SYK: variants seen among roughly 807,000 people sequenced by gnomAD.
SYK encodes tyrosine-protein kinase SYK.
A neutral mutation model predicts 77.8 loss-of-function variants in SYK; 16 were observed. The observed-to-expected ratio is 0.21, with a 90% confidence interval of 0.14 to 0.31. The LOEUF (loss-of-function observed/expected upper bound fraction) is 0.31, where lower values mean the gene tolerates loss of function less well. Ranked by LOEUF, SYK falls within the 10% of genes least tolerant of loss-of-function variation. The probability of loss-of-function intolerance (pLI) is 1.00; values close to 1 mark genes in which losing one functional copy is unlikely to be tolerated. For missense variants in SYK, 529 were observed against 814.4 expected (o/e 0.65, Z 4.26); for synonymous variants, 312 against 308.7 (o/e 1.01, Z -0.11).
At chr9:90,816,206 G>A (rs1825287073) in intron 1 of SYK, among the ~76,000 whole-genome samples, 1 of 152,198 alleles carries the variant, frequency 6.6e-6, no homozygotes, top group Admixed American at 6.5e-5. Context: ...GTACTGGGCT[G>A]GGCATTGGCA....
intron 3 of SYK, among the ~76,000 whole-genome samples, chr9:90,846,699 T>TA (rs3056977): frequency 0.073 from 9,453 of 128,984 alleles, 882 homozygotes; most frequent in African/African-American, 0.22. Context: ...ACAATACTCT[T>TA]AAAAAAAAAA....
intron 11 of SYK, among the ~76,000 whole-genome samples, chr9:90,884,222 T>TACAC (rs1212949180): frequency 1.6e-5 from 1 of 62,672 alleles, no homozygotes; most frequent in Non-Finnish European, 2.9e-5. Context: ...TACACGCATA[T>TACAC]ACACATACAC....
chr9:90,877,727 G>C lies in SYK; in HGVS notation c.1338G>C (p.Leu446=), dbSNP rs2290887. 8.7e-6 allele frequency: 14 copies of C among 1,614,020 alleles called. No individual in the cohort carries two copies. The highest frequency in any genetic ancestry group is 1.2e-5 in the Non-Finnish European group (14 of 1,180,028). Residue 446 remains leucine, a synonymous_variant, in exon 10 of 14, where the codon CTG becomes CTC. Coordinates refer to ENST00000375754, the MANE Select transcript of SYK (RefSeq NM_003177.7). Reference sequence around the variant, plus strand: ...TATGCGAGGCCGAGTCCTGGATGCTGGTTATGGAGATGGCAGAACTTGGTC... The same window carrying C: ...TATGCGAGGCCGAGTCCTGGATGCTCGTTATGGAGATGGCAGAACTTGGTC... ...IGICEAESWM[L]VMEMAELGPL... is the part of the protein sequence containing the mutation.
At chr9:90,834,472 G>A (rs371751425) in intron 1 of SYK, among the ~76,000 whole-genome samples, 4 of 152,162 alleles carry the variant, frequency 2.6e-5, no homozygotes, top group African/African-American at 7.2e-5. Flanking sequence ...GGTCGCCAGC[G>A]TTCCCGATTC....
chr9:90,885,704 G>C (rs1301972632), intron 11 of SYK, among the ~76,000 whole-genome samples: 1 of 152,124 alleles, frequency 6.6e-6, no homozygotes, highest in Non-Finnish European at 1.5e-5. Context: ...CAGATACAAT[G>C]CAAAATCATC....
intron 7 of SYK, among the ~76,000 whole-genome samples, chr9:90,871,902 A>G (rs966292048): frequency 1.3e-4 from 20 of 152,220 alleles, no homozygotes; most frequent in African/African-American, 4.6e-4. Flanking sequence ...TTTATTGGCT[A>G]TAAACGTGGA....
Position 90,845,554 on chromosome 9 carries a change from C to A in SYK, c.538C>A (p.Gln180Lys). ...AAAAATCTCTCGGGAAGAATCTGAG[C>A]AAATTGTCCTGATAGGATCAAAGAC... ...HGKISREESEQIVLIGSKTNG... is the reference protein window; with the variant it reads ...HGKISREESEKIVLIGSKTNG... Residue 180 changes from glutamine to lysine, a missense_variant, in exon 3 of 14, where the codon CAA becomes AAA. By Grantham distance (53) the Gln-to-Lys change is moderately conservative. This residue lies in a region of SYK where 321 missense variants were observed against 433.1 expected (regional missense o/e 0.74). Transcript: ENST00000375754. The A allele has an allele frequency of 1.2e-6, 2 of 1,614,186 alleles. No individual in the cohort carries two copies. The highest frequency in any genetic ancestry group is 1.1e-5 in the South Asian group (1 of 91,082).
chr9:90,869,866 G>A (rs1370043566), intron 7 of SYK, among the ~76,000 whole-genome samples: 1 of 152,176 alleles, frequency 6.6e-6, no homozygotes, highest in Non-Finnish European at 1.5e-5. Flanking sequence ...CCAGCACTTT[G>A]GGAGGCCGAG....
intron 13 of SYK, among the ~76,000 whole-genome samples, chr9:90,889,175 C>A (rs1478971177): frequency 6.6e-6 from 1 of 152,212 alleles, no homozygotes; most frequent in Admixed American, 6.5e-5. Flanking sequence ...TGCTGTTATG[C>A]TTTTAAAGTA....
At chr9:90,846,747 C>T (rs866616075) in intron 3 of SYK, among the ~76,000 whole-genome samples, 28 of 150,976 alleles carry the variant, frequency 1.9e-4, no homozygotes, top group African/African-American at 4.6e-4. Flanking sequence ...CAGGTTGCCA[C>T]GCGGCAGTGC....
Position 90,830,482 on chromosome 9 carries a change from C to T in SYK, c.-41-13376C>T, listed in dbSNP as rs1307958840. On this transcript the variant is annotated intron_variant, in intron 1 of 13. Transcript: ENST00000375754. ...AGCCTGGTGCTGGGTGGGGTGGTCCCATCACATCACCTCTTCCTTGGTCAT... is the reference window on the plus strand; with the variant it reads ...AGCCTGGTGCTGGGTGGGGTGGTCCTATCACATCACCTCTTCCTTGGTCAT... 3.9e-5 allele frequency among the ~76,000 whole-genome samples: 6 copies of T among 152,280 alleles called. No individual in the cohort carries two copies. The East Asian group carries it at 1.2e-3, about 29-fold the overall frequency.
intron 11 of SYK, among the ~76,000 whole-genome samples, chr9:90,882,107 A>G (rs1450821625): frequency 1.3e-5 from 2 of 152,242 alleles, no homozygotes; most frequent in Non-Finnish European, 2.9e-5. Context: ...AAAAGTATAC[A>G]CTACCTATTT....
At position 90,881,022 on chromosome 9, in the gene SYK, G is replaced by C. The variant is rs905344417; in HGVS notation, c.1581+2069G>C. Among the ~76,000 whole-genome samples, 3 of 152,140 alleles carry C rather than the reference G, an allele frequency of 2.0e-5. No individual in the cohort carries two copies. The East Asian group carries it at 5.8e-4, about 29-fold the overall frequency. ...AGAGGCAGGAAGTGGGGGCTGCCAG[G>C]CCTATAAAACCAGGCCCAGAAACTA... On this transcript the variant is annotated intron_variant, in intron 11 of 13. Coordinates refer to ENST00000375754, the MANE Select transcript of SYK (RefSeq NM_003177.7).
intron 11 of SYK, among the ~76,000 whole-genome samples, chr9:90,887,405 CTTTTT>C (rs3056951): frequency 7.8e-6 from 1 of 128,940 alleles, no homozygotes; most frequent in Non-Finnish European, 1.6e-5. Context: ...TTCTTTCTTT[CTTTTT>C]TTTTTTTTTT....
intron 11 of SYK, among the ~76,000 whole-genome samples, chr9:90,880,049 C>T (rs946460716): frequency 6.6e-6 from 1 of 152,254 alleles, no homozygotes; most frequent in Non-Finnish European, 1.5e-5. Flanking sequence ...GTTAACAACC[C>T]TGCTAGTCTC....
At chr9:90,884,775 ACACATGTGTACATG>A (rs199801786) in intron 11 of SYK, among the ~76,000 whole-genome samples, 12 of 25,328 alleles carry the variant, frequency 4.7e-4, no homozygotes, top group African/African-American at 1.5e-3. Flanking sequence ...ATGCACATAT[ACACATGTGTACATG>A]CACATATACA....
rs1828990308 is a variant in SYK at position 90,896,467 on chromosome 9, C to T, written c.*867C>T. Reference sequence around the variant, plus strand: ...GCTGCCTTCCTCTGAACGTGGTCCACACCTTCCTCTCCTCCACAGAGAGGG... The same window carrying T: ...GCTGCCTTCCTCTGAACGTGGTCCATACCTTCCTCTCCTCCACAGAGAGGG... On this transcript the variant is annotated 3_prime_UTR_variant, in exon 14 of 14. Coordinates refer to ENST00000375754, the MANE Select transcript of SYK (RefSeq NM_003177.7). 1 of 233,270 alleles carries T rather than the reference C, an allele frequency of 4.3e-6. No individual in the cohort carries two copies. Among genetic ancestry groups the T allele is most frequent in the Non-Finnish European group, 8.5e-6 (1 of 118,038 alleles). The allele number at this position is 233,270 out of a possible 1,614,324, so 14.5% of individuals were successfully genotyped here.
At chr9:90,846,042 G>A (rs2118653146) in intron 3 of SYK, among the ~76,000 whole-genome samples, 1 of 152,314 alleles carries the variant, frequency 6.6e-6, no homozygotes, top group South Asian at 2.1e-4. Context: ...GTTCCTGGGA[G>A]TAGCATCCAT....
intron 11 of SYK, among the ~76,000 whole-genome samples, chr9:90,883,937 A>G (rs1828260259): frequency 6.6e-6 from 1 of 152,126 alleles, no homozygotes; most frequent in East Asian, 1.9e-4. Context: ...TACTCAGCTC[A>G]CTGCTGTCAC....
Sources: allele counts gnomAD v4.1 joint callset (sites outside exome capture counted in the v4.1 genomes callset), GRCh38; gene constraint gnomAD v4.1.1; regional missense constraint gnomAD v4.1.1; transcripts MANE v1.5; gene names NCBI Gene and HGNC (gene_info 2026-07-23, HGNC 2026-07-21).